The following DISC1 variants were observed in gnomAD, a reference collection of about 807,000 sequenced individuals.
DISC1 encodes disrupted in schizophrenia 1 protein.
In DISC1, 57 loss-of-function variants were observed where a neutral mutation model predicts 84.5. The observed-to-expected ratio is 0.67, with a 90% CI of 0.55 to 0.84. The LOEUF (loss-of-function observed/expected upper bound fraction) is 0.84. Among genes scored for constraint, DISC1 ranks in the 40% least tolerant of loss-of-function variants. The pLI is 0.00. For synonymous variants in DISC1, 411 were observed against 415.2 expected (o/e 0.99, Z 0.12); for missense variants, 1,000 against 1,057.8 (o/e 0.95, Z 0.76).
At chr1:231,720,955 T>C in intron 3 of DISC1, 1 of 1,290,960 alleles carries the variant, frequency 7.7e-7, no homozygotes, top group South Asian at 1.2e-5. Context: ...AGGAAGTCAC[T>C]GGAAGGGTTA....
chr1:231,640,692 C>T (rs1558220760), intron 1 of DISC1, among the ~76,000 whole-genome samples: 1 of 151,990 alleles, frequency 6.6e-6, no homozygotes, highest in Admixed American at 6.6e-5. Flanking sequence ...CAATGCCTGG[C>T]TATTTTTATT....
chr1:231,732,422 A>G (rs1310456077), intron 3 of DISC1, among the ~76,000 whole-genome samples: 1 of 152,242 alleles, frequency 6.6e-6, no homozygotes, highest in African/African-American at 2.4e-5. Flanking sequence ...ATGCCTCAAG[A>G]TACCAGTTGG....
chr1:231,684,273 C>T (rs1017505195), intron 1 of DISC1, among the ~76,000 whole-genome samples: 1 of 151,974 alleles, frequency 6.6e-6, no homozygotes, highest in Non-Finnish European at 1.5e-5. Context: ...TTCTGAGTAG[C>T]TGGGACTACG....
At chr1:231,888,888 G>C (rs1224135261) in intron 9 of DISC1, among the ~76,000 whole-genome samples, 1 of 152,040 alleles carries the variant, frequency 6.6e-6, no homozygotes, top group Non-Finnish European at 1.5e-5. Context: ...ACTTTCCCCT[G>C]AGTTTTGGTT....
chr1:231,885,051 C>T (rs2086584732), intron 9 of DISC1, among the ~76,000 whole-genome samples: 1 of 152,136 alleles, frequency 6.6e-6, no homozygotes, highest in South Asian at 2.1e-4. Context: ...TTTCATGAAA[C>T]AGAGGGAAAG....
chr1:231,857,827 A>C (rs932496497), intron 9 of DISC1, among the ~76,000 whole-genome samples: 1 of 152,212 alleles, frequency 6.6e-6, no homozygotes, highest in Non-Finnish European at 1.5e-5. Flanking sequence ...TAGTGCATTC[A>C]AGAATGCTGC....
chr1:231,688,464 G>C (rs200880279), intron 1 of DISC1, among the ~76,000 whole-genome samples: 1 of 152,158 alleles, frequency 6.6e-6, no homozygotes, highest in Admixed American at 6.5e-5. Flanking sequence ...TTTGTTTCTG[G>C]TAGAAATTAA....
chr1:231,857,006 G>T (rs1417154305), intron 9 of DISC1, among the ~76,000 whole-genome samples: 1 of 152,192 alleles, frequency 6.6e-6, no homozygotes, highest in Non-Finnish European at 1.5e-5. Context: ...AGGGGATGGA[G>T]TTTACATGAG....
intron 1 of DISC1, 123 bp from the exon 2 acceptor site, chr1:231,693,703 C>T: frequency 2.1e-6 from 3 of 1,462,542 alleles, no homozygotes; most frequent in South Asian, 1.2e-5. Context: ...ACTGAGCCAG[C>T]ATCTATCTTT....
chr1:231,793,410 T>C (rs1338949841), intron 6 of DISC1, among the ~76,000 whole-genome samples: 2 of 152,244 alleles, frequency 1.3e-5, no homozygotes, highest in Admixed American at 6.5e-5. Context: ...CCTAGCTTGC[T>C]GGGTGCCCAG....
At chr1:231,745,084 G>A (rs1270127228) in intron 3 of DISC1, among the ~76,000 whole-genome samples, 2 of 151,654 alleles carry the variant, frequency 1.3e-5, no homozygotes, top group African/African-American at 4.8e-5. Context: ...TTTATTTTTT[G>A]TCAATTGATT....
chr1:232,008,835 G>T lies in DISC1; in HGVS notation c.2093G>T (p.Cys698Phe). 6.2e-7 allele frequency: 1 copy of T among 1,605,854 alleles called. No homozygotes were observed. Among genetic ancestry groups the T allele is most frequent in the Non-Finnish European group, 8.5e-7 (1 of 1,175,000 alleles). The change falls in exon 11 of 13, where the codon TGT becomes TTT. Residue 698 changes from cysteine to phenylalanine, a missense_variant. By Grantham distance (205) the Cys-to-Phe change is radical. Coordinates refer to ENST00000439617, the MANE Select transcript of DISC1 (RefSeq NM_018662.3). ...GTGTGGGAAGCTGACTTGGAAGCTTGTCGATTGCTTATCCAGAGCCTACAG... is the reference window on the plus strand; with the variant it reads ...GTGTGGGAAGCTGACTTGGAAGCTTTTCGATTGCTTATCCAGAGCCTACAG... ...GKVWEADLEA[C>F]RLLIQSLQLQ...
At chr1:231,849,709 T>C (rs929402089) in intron 9 of DISC1, among the ~76,000 whole-genome samples, 2 of 143,096 alleles carry the variant, frequency 1.4e-5, no homozygotes, top group African/African-American at 4.9e-5. Flanking sequence ...TTGTGAGTTA[T>C]TATACAAGCT....
intron 9 of DISC1, among the ~76,000 whole-genome samples, chr1:231,923,236 A>G (rs1346006294): frequency 6.6e-6 from 1 of 151,688 alleles, no homozygotes; most frequent in Non-Finnish European, 1.5e-5. Flanking sequence ...GCAGTGAGTC[A>G]AGATCACGCC....
intron 9 of DISC1, among the ~76,000 whole-genome samples, chr1:231,869,034 C>T (rs1363512851): frequency 6.6e-6 from 1 of 151,962 alleles, no homozygotes; most frequent in African/African-American, 2.4e-5. Context: ...AGGAAGAAGC[C>T]ACGTTGCTGG....
chr1:231,986,601 G>A (rs1327993836), intron 10 of DISC1, among the ~76,000 whole-genome samples: 2 of 152,202 alleles, frequency 1.3e-5, no homozygotes, highest in Non-Finnish European at 2.9e-5. Context: ...AACAAACAGA[G>A]AAGTAAATAT....
intron 3 of DISC1, among the ~76,000 whole-genome samples, chr1:231,728,749 A>C (rs918079156): frequency 1.5e-4 from 23 of 152,216 alleles, no homozygotes; most frequent in Non-Finnish European, 2.9e-5. Flanking sequence ...TCTGCATGGC[A>C]TCTGAGGAGT....
intron 1 of DISC1, among the ~76,000 whole-genome samples, chr1:231,665,921 C>T (rs1312244217): frequency 6.6e-6 from 1 of 152,148 alleles, no homozygotes; most frequent in Non-Finnish European, 1.5e-5. Flanking sequence ...TTCAGAGCGG[C>T]ACTTCATCAG....
chr1:231,737,929 C>T (rs959368760), intron 3 of DISC1, among the ~76,000 whole-genome samples: 4 of 152,164 alleles, frequency 2.6e-5, no homozygotes, highest in Non-Finnish European at 5.9e-5. Context: ...ATGACATCGG[C>T]TCTCTGCAAC....
Sources: gnomAD v4.1 joint callset for allele counts (sites outside exome capture counted in the v4.1 genomes callset) on GRCh38, gnomAD v4.1.1 for gene constraint, MANE v1.5 for transcripts, NCBI Gene and HGNC (gene_info 2026-07-23, HGNC 2026-07-21) for gene names.